THSD7B: variants seen among roughly 807,000 people sequenced by gnomAD.
THSD7B encodes the protein thrombospondin type 1 domain containing 7B.
A neutral mutation model predicts 213.6 loss-of-function variants in THSD7B; 138 were observed. That is an observed-to-expected ratio of 0.65 (90% CI 0.56 to 0.74). THSD7B has a LOEUF of 0.74. Among genes scored for constraint, THSD7B ranks in the 30% least tolerant of loss-of-function variants. The pLI is 0.00. For missense variants in THSD7B, 1,931 were observed against 1,991.5 expected (o/e 0.97, Z 0.58); for synonymous variants, 742 against 687.0 (o/e 1.08, Z -1.25).
chr2:137,459,032 A>G (rs1687826599), intron 15 of THSD7B, among the ~76,000 whole-genome samples: 1 of 152,106 alleles, frequency 6.6e-6, no homozygotes, highest in Non-Finnish European at 1.5e-5. Flanking sequence ...ATATGAGTTG[A>G]TTTTGGTGCA....
At chr2:137,213,873 C>A (rs1263693538) in intron 7 of THSD7B, among the ~76,000 whole-genome samples, 1 of 152,068 alleles carries the variant, frequency 6.6e-6, no homozygotes, top group Non-Finnish European at 1.5e-5. Context: ...TCAGGATCAC[C>A]CCAGCTGTTT....
intron 1 of THSD7B, among the ~76,000 whole-genome samples, chr2:136,857,557 T>C: frequency 6.6e-6 from 1 of 152,244 alleles, no homozygotes; most frequent in South Asian, 2.1e-4. Context: ...AATGTGGTTC[T>C]ATAGCTATGT....
intron 7 of THSD7B, among the ~76,000 whole-genome samples, chr2:137,212,175 C>G (rs749404770): frequency 6.6e-6 from 1 of 152,038 alleles, no homozygotes; most frequent in Non-Finnish European, 1.5e-5. Flanking sequence ...TTTGAATTCA[C>G]TACCTTTGGC....
At chr2:136,821,620 T>C (rs1682565291) in intron 1 of THSD7B, among the ~76,000 whole-genome samples, 1 of 152,138 alleles carries the variant, frequency 6.6e-6, no homozygotes, top group South Asian at 2.1e-4. Flanking sequence ...CTTTCTTGGG[T>C]ATCACTGGCT....
chr2:137,546,445 T>TTA (rs1680731393), intron 15 of THSD7B, among the ~76,000 whole-genome samples: 2 of 20,408 alleles, frequency 9.8e-5, no homozygotes, highest in Non-Finnish European at 1.5e-4. Context: ...TTATATATAT[T>TTA]ATATATATAT....
chr2:137,398,480 G>T (rs1686256413), intron 12 of THSD7B, among the ~76,000 whole-genome samples: 1 of 151,936 alleles, frequency 6.6e-6, no homozygotes, highest in South Asian at 2.1e-4. Context: ...CTGCTCGAGG[G>T]TCAGGGGTCA....
At chr2:137,356,825 C>G (rs1192545019) in intron 12 of THSD7B, among the ~76,000 whole-genome samples, 1 of 152,164 alleles carries the variant, frequency 6.6e-6, no homozygotes, top group Admixed American at 6.6e-5. Context: ...TTAATCCACA[C>G]TTACTTTAAG....
chr2:137,178,178 G>A (rs745904905), intron 7 of THSD7B, among the ~76,000 whole-genome samples: 4 of 149,972 alleles, frequency 2.7e-5, no homozygotes, highest in African/African-American at 7.4e-5. Flanking sequence ...GAAGCAAGCA[G>A]TGAGTAAATT....
chr2:136,915,359 T>G (rs1320852325), intron 2 of THSD7B, among the ~76,000 whole-genome samples: 3 of 152,212 alleles, frequency 2.0e-5, no homozygotes, highest in Non-Finnish European at 4.4e-5. Flanking sequence ...ACCTCCTCTA[T>G]CAGGTGTAAA....
At chr2:137,489,282 G>C (rs769225857) in intron 15 of THSD7B, among the ~76,000 whole-genome samples, 1 of 151,824 alleles carries the variant, frequency 6.6e-6, no homozygotes, top group Non-Finnish European at 1.5e-5. Context: ...AAAATTAGCC[G>C]GGCGTGGTGG....
In THSD7B at chr2:137,419,372, G is replaced by GTTTTTTTTTTTTTTTTTTTTTT. The variant is rs1246056674; in HGVS notation, c.2959+7502_2959+7503insTTTTTTTTTTTTTTTTTTTTTT. 4.9e-5 allele frequency among the ~76,000 whole-genome samples: 4 copies of GTTTTTTTTTTTTTTTTTTTTTT among 81,388 alleles called. 1 individual carries two copies. The highest frequency in any genetic ancestry group is 1.4e-4 in the Non-Finnish European group (4 of 29,512). 53.4% of individuals were successfully genotyped at this position (81,388 alleles called of 152,430 possible). On this transcript the variant is annotated intron_variant, in intron 14 of 27. Transcript: ENST00000409968. The stretch of plus-strand genomic sequence containing the variant: ...AGCCCCCACTTTTGGTGGGTCCTGA[G>GTTTTTTTTTTTTTTTTTTTTTT]TTCTTGTCCCACATCAAAGAAGAAT...
intron 4 of THSD7B, among the ~76,000 whole-genome samples, chr2:137,100,606 C>A (rs1295325509): frequency 1.3e-5 from 2 of 151,960 alleles, no homozygotes; most frequent in African/African-American, 2.4e-5. Context: ...AGAGTAGCAC[C>A]TAGAAAAGTG....
At chr2:137,151,388 C>T (rs1042494229) in intron 5 of THSD7B, among the ~76,000 whole-genome samples, 4 of 151,868 alleles carry the variant, frequency 2.6e-5, no homozygotes, top group African/African-American at 9.7e-5. Context: ...CCTAGGCCTA[C>T]GTAGGGTAAG....
intron 12 of THSD7B, among the ~76,000 whole-genome samples, chr2:137,355,963 G>A (rs1316603717): frequency 1.3e-5 from 2 of 152,094 alleles, no homozygotes; most frequent in African/African-American, 2.4e-5. Context: ...ATGGTAGTGT[G>A]TCATGGACAT....
intron 2 of THSD7B, among the ~76,000 whole-genome samples, chr2:136,919,003 C>T (rs1242057170): frequency 6.6e-6 from 1 of 152,172 alleles, no homozygotes; most frequent in Non-Finnish European, 1.5e-5. Context: ...CTCAGATCCT[C>T]CTTGTCATGC....
intron 5 of THSD7B, among the ~76,000 whole-genome samples, chr2:137,153,622 A>G (rs896122427): frequency 4.6e-5 from 7 of 152,188 alleles, no homozygotes; most frequent in African/African-American, 1.7e-4. Flanking sequence ...AATCCCAGTG[A>G]CAACAGTCAA....
At chr2:136,903,507 T>C (rs556280) in intron 2 of THSD7B, among the ~76,000 whole-genome samples, 60,467 of 151,976 alleles carry the variant, frequency 0.4, 14,239 homozygotes, top group Non-Finnish European at 0.54. Flanking sequence ...AACATATGTT[T>C]TTCTCATGTA....
chr2:137,484,093 A>G (rs569969873), intron 15 of THSD7B, among the ~76,000 whole-genome samples: 1 of 151,888 alleles, frequency 6.6e-6, no homozygotes, highest in Admixed American at 6.6e-5. Flanking sequence ...ATATGTATAC[A>G]TGTGCCATGC....
chr2:137,411,279 G>A (rs977958528), intron 13 of THSD7B, among the ~76,000 whole-genome samples: 1 of 152,190 alleles, frequency 6.6e-6, no homozygotes, highest in Non-Finnish European at 1.5e-5. Context: ...TGGGGACAGG[G>A]TTATCAGTAT....
Sources: gnomAD v4.1 joint callset for allele counts (sites outside exome capture counted in the v4.1 genomes callset) on GRCh38, gnomAD v4.1.1 for gene constraint, MANE v1.5 for transcripts, NCBI Gene and HGNC (gene_info 2026-07-23, HGNC 2026-07-21) for gene names.